MSI2: variants seen among roughly 807,000 people sequenced by gnomAD.
MSI2 encodes RNA-binding protein Musashi homolog 2.
A neutral mutation model predicts 45.6 loss-of-function variants in MSI2; 17 were observed. The observed-to-expected ratio is 0.37, with a 90% CI of 0.26 to 0.56. The LOEUF (loss-of-function observed/expected upper bound fraction) is 0.56, where lower values mean the gene tolerates loss of function less well. MSI2 is among the 20% of genes least tolerant of loss of function. The pLI is 0.77. For missense variants in MSI2, 293 were observed against 444.2 expected (o/e 0.66, Z 3.06); for synonymous variants, 156 against 158.2 (o/e 0.99, Z 0.11).
chr17:57,526,981 G>A (rs1009699842), intron 6 of MSI2, among the ~76,000 whole-genome samples: 3 of 152,096 alleles, frequency 2.0e-5, no homozygotes, highest in East Asian at 1.9e-4. Flanking sequence ...TTGAGAGGGC[G>A]CTATTAGAAA....
intron 6 of MSI2, among the ~76,000 whole-genome samples, chr17:57,484,664 T>A (rs1486314118): frequency 6.6e-6 from 1 of 152,194 alleles, no homozygotes; most frequent in Non-Finnish European, 1.5e-5. Flanking sequence ...GTTGTCTTCA[T>A]TGCTGAGTGC....
At chr17:57,293,133 G>A (rs1445305370) in intron 5 of MSI2, among the ~76,000 whole-genome samples, 2 of 151,762 alleles carry the variant, frequency 1.3e-5, no homozygotes, top group African/African-American at 4.8e-5. Flanking sequence ...AAAGTCAGTC[G>A]ACTTGGTCAG....
At chr17:57,670,783 G>C (rs752748413) in intron 11 of MSI2, among the ~76,000 whole-genome samples, 25 of 152,152 alleles carry the variant, frequency 1.6e-4, no homozygotes, top group Non-Finnish European at 2.9e-4. Context: ...ATCTGCATGT[G>C]GTACCTGCCT....
At position 57,293,575 on chromosome 17, in the gene MSI2, C is replaced by G. The variant is rs551372407; in HGVS notation, c.312+31383C>G. Among the ~76,000 whole-genome samples the G allele has an allele frequency of 4.7e-5, 7 of 149,918 alleles. No homozygotes were observed. The South Asian group carries it at 1.5e-3, about 32-fold the overall frequency. On this transcript the variant is annotated intron_variant, in intron 5 of 13. Coordinates refer to ENST00000284073, the MANE Select transcript of MSI2 (RefSeq NM_138962.4). ...ATAGCACATCCTCTGAATATGTAAT[C>G]AGTGCTTTATTGTTTTTTTGTTTTT...
chr17:57,663,657 A>G (rs982902666), intron 11 of MSI2, among the ~76,000 whole-genome samples: 7 of 152,198 alleles, frequency 4.6e-5, no homozygotes. Context: ...CAAAGCAGAC[A>G]CTATGGACCG....
At chr17:57,358,034 G>T (rs1355236327) in intron 5 of MSI2, among the ~76,000 whole-genome samples, 1 of 152,174 alleles carries the variant, frequency 6.6e-6, no homozygotes, top group African/African-American at 2.4e-5. Flanking sequence ...AGCTTTGGGG[G>T]CTGCTATTTG....
chr17:57,492,786 G>A (rs951027793), intron 6 of MSI2, among the ~76,000 whole-genome samples: 3 of 152,124 alleles, frequency 2.0e-5, no homozygotes, highest in African/African-American at 7.2e-5. Flanking sequence ...TAGTAGAGAC[G>A]GTGTTTTACC....
At chr17:57,579,403 C>T (rs931800639) in intron 7 of MSI2, among the ~76,000 whole-genome samples, 2 of 152,144 alleles carry the variant, frequency 1.3e-5, no homozygotes, top group African/African-American at 2.4e-5. Flanking sequence ...CGGTGGCTCC[C>T]GTTGGAGACC....
chr17:57,293,909 G>GT (rs72240746), intron 5 of MSI2, among the ~76,000 whole-genome samples: 100,633 of 145,404 alleles, frequency 0.69, 36,393 homozygotes, highest in East Asian at 0.84. Flanking sequence ...TGCCCAGCCT[G>GT]TTTTTTTTTT....
At chr17:57,258,189 C>A in intron 3 of MSI2, 81 bp from the exon 4 acceptor site, 1 of 1,268,054 alleles carries the variant, frequency 7.9e-7, no homozygotes, top group Admixed American at 1.7e-5. Flanking sequence ...GCTCCTCATT[C>A]AGCCTTAGGT....
chr17:57,666,829 G>A (rs1912404248), intron 11 of MSI2, among the ~76,000 whole-genome samples: 1 of 140,874 alleles, frequency 7.1e-6, no homozygotes. Context: ...GACATGTGGG[G>A]AAAAGCCAAA....
chr17:57,299,435 A>C (rs943726026), intron 5 of MSI2, among the ~76,000 whole-genome samples: 2 of 152,072 alleles, frequency 1.3e-5, no homozygotes, highest in South Asian at 4.2e-4. Context: ...GAGACACGTA[A>C]CTCCTCCTTT....
chr17:57,433,300 G>T (rs572937463), intron 6 of MSI2, among the ~76,000 whole-genome samples: 1 of 152,290 alleles, frequency 6.6e-6, no homozygotes, highest in South Asian at 2.1e-4. Flanking sequence ...ATATAATTAG[G>T]TAACATGCTG....
rs1167845200 is a variant in MSI2, at chr17:57,680,222, A to G, written c.*705A>G. ...TCTCTTTGTTAATCTGAGTCTATCT[A>G]TTTTCGGCAATAAGGTAAGGACGAC... On this transcript the variant is annotated 3_prime_UTR_variant, in exon 14 of 14. Transcript: ENST00000284073. 4.4e-6 allele frequency: 1 copy of G among 228,816 alleles called. No individual in the cohort carries two copies. The highest frequency in any genetic ancestry group is 2.2e-5 in the African/African-American group (1 of 45,110). The allele number at this position is 228,816 out of a possible 1,614,324, so 14.2% of individuals were successfully genotyped here. A position where few individuals can be genotyped will look rare whatever the true frequency, so the allele number is the denominator to read the frequency against.
chr17:57,410,571 C>T (rs536801159), intron 6 of MSI2, among the ~76,000 whole-genome samples: 55 of 139,786 alleles, frequency 3.9e-4, no homozygotes, highest in African/African-American at 1.4e-3. Context: ...AGTTAAAGAG[C>T]AAAATAAGGA....
chr17:57,508,195 G>A lies in MSI2; in HGVS notation c.406-21481G>A, dbSNP rs567766774. Reference sequence around the variant, plus strand: ...TCACCCATTCCCTTGCCTGTGGCCCGCTATTGGCTGGCAGCTCTGGACAGG... The same window carrying A: ...TCACCCATTCCCTTGCCTGTGGCCCACTATTGGCTGGCAGCTCTGGACAGG... On this transcript the variant is annotated intron_variant, in intron 6 of 13. Transcript: ENST00000284073. 3.9e-5 allele frequency among the ~76,000 whole-genome samples: 6 copies of A among 152,190 alleles called. No individual in the cohort carries two copies. In the South Asian group the frequency reaches 8.3e-4, roughly 21 times the overall value.
chr17:57,305,705 A>T (rs1350866638), intron 5 of MSI2, among the ~76,000 whole-genome samples: 1 of 152,192 alleles, frequency 6.6e-6, no homozygotes. Flanking sequence ...GACACACAGA[A>T]TAAAATCGAC....
chr17:57,683,644 G>A lies in MSI2; in HGVS notation c.*4127G>A, dbSNP rs528022656. The A allele has an allele frequency of 4.3e-6, 1 of 232,204 alleles. No individual in the cohort carries two copies. The highest frequency in any genetic ancestry group is 8.5e-6 in the Non-Finnish European group (1 of 117,470). 14.4% of individuals were successfully genotyped at this position (232,204 alleles called of 1,614,324 possible). A position where few individuals can be genotyped will look rare whatever the true frequency, so the allele number is the denominator to read the frequency against. ...GTTGCAAGTGGCACGCAGGAACAGA[G>A]GGAGAGTGGGGGGCTGGTGGGGGAG... On this transcript the variant is annotated 3_prime_UTR_variant, in exon 14 of 14. Coordinates refer to ENST00000284073, the MANE Select transcript of MSI2 (RefSeq NM_138962.4). The surrounding 1 kb of genome is among the most constrained non-coding windows in gnomAD (Gnocchi z 5.2).
At chr17:57,378,333 G>A (rs1217734417) in intron 5 of MSI2, among the ~76,000 whole-genome samples, 6 of 151,720 alleles carry the variant, frequency 4.0e-5, no homozygotes, top group Non-Finnish European at 5.9e-5. Context: ...ATGTAATCTC[G>A]GCTCACTGCA....
Sources: allele counts gnomAD v4.1 joint callset (sites outside exome capture counted in the v4.1 genomes callset), GRCh38; gene constraint gnomAD v4.1.1; non-coding constraint Gnocchi (gnomAD v3.1); transcripts MANE v1.5; gene names NCBI Gene and HGNC (gene_info 2026-07-23, HGNC 2026-07-21).